ZNF674: variants seen among roughly 807,000 people sequenced by gnomAD.
The protein encoded by ZNF674 is zinc finger protein 674, also known as zinc finger family member 674.
In ZNF674, 2 loss-of-function variants were observed where a neutral mutation model predicts 7.0. That is an observed-to-expected ratio of 0.29 (90% CI 0.12 to 0.90). The LOEUF (loss-of-function observed/expected upper bound fraction) is 0.90. Ranked by LOEUF, ZNF674 falls within the 40% of genes least tolerant of loss-of-function variation. The pLI, the probability that ZNF674 is intolerant of heterozygous loss-of-function variation, is 0.57. For missense variants in ZNF674, 297 were observed against 415.5 expected, an observed-to-expected ratio of 0.71 and a Z score of 2.48; for synonymous variants, 103 against 145.2, an observed-to-expected ratio of 0.71 and a Z score of 2.09.
chrX:46,522,828 TTC>T (rs960430602), intron 5 of ZNF674: 2 of 112,683 alleles, frequency 1.8e-5, no homozygotes, highest in Non-Finnish European at 3.7e-5. Context: ...ATATGGATGA[TTC>T]TGTTTTTACA....
At chrX:46,516,793 T>G (rs752000482) in intron 5 of ZNF674, among the ~76,000 whole-genome samples, 14 of 111,931 alleles carry the variant, frequency 1.3e-4, no homozygotes, top group Non-Finnish European at 2.1e-4. Flanking sequence ...GGTCAGGAGT[T>G]CAGGACCAAC....
chrX:46,531,606 C>T (rs1356098219), intron 3 of ZNF674, among the ~76,000 whole-genome samples: 1 of 111,248 alleles, frequency 9.0e-6, no homozygotes, highest in African/African-American at 3.3e-5. Context: ...AGTGTTGTGT[C>T]AAGTGAGAGT....
chrX:46,497,884 T>G lies in ZNF674; in HGVS notation c.*1959A>C, dbSNP rs1016391345. On this transcript the variant is annotated 3_prime_UTR_variant, in exon 6 of 6. Transcript: ENST00000683375. ...TCCACACTACACAGATATACCTAAC[T>G]TTTTGTTCCATGTGTTTATCTATAC... The G allele has an allele frequency of 9.7e-6, 1 of 102,818 alleles. No individual in the cohort carries two copies. Among genetic ancestry groups the G allele is most frequent in the African/African-American group, 3.3e-5 (1 of 29,938 alleles). The allele number at this position is 102,818 out of a possible 1,213,427, so 8.5% of individuals were successfully genotyped here.
rs1941525645 is a variant in ZNF674, at chrX:46,505,787, C to A, written c.239-4452G>T. Among the ~76,000 whole-genome samples, 6 of 108,521 alleles carry A rather than the reference C, an allele frequency of 5.5e-5. No homozygotes were observed. The South Asian group carries it at 2.3e-3, about 42-fold the overall frequency. The allele number at this position is 108,521 out of a possible 115,157, so 94.2% of individuals were successfully genotyped here. A position where few individuals can be genotyped will look rare whatever the true frequency, so the allele number is the denominator to read the frequency against. ...ACTCTGTCACACACACACACACACA[C>A]ACACACACGAAAAAAAAAACTAGTA... On this transcript the variant is annotated intron_variant, in intron 5 of 5. Coordinates refer to ENST00000683375, the MANE Select transcript of ZNF674 (RefSeq NM_001190417.2).
At chrX:46,537,692 C>T (rs1452319713) in intron 3 of ZNF674, among the ~76,000 whole-genome samples, 2 of 112,212 alleles carry the variant, frequency 1.8e-5, no homozygotes, top group African/African-American at 3.2e-5. Context: ...TTTCTCTCAG[C>T]TTCAAATATG....
At chrX:46,530,255 C>T (rs2355874) in intron 3 of ZNF674, among the ~76,000 whole-genome samples, 152 of 111,973 alleles carry the variant, frequency 1.4e-3, no homozygotes, top group Non-Finnish European at 2.3e-3. Flanking sequence ...TGCCAGAGGG[C>T]GGGGACAGGC....
At chrX:46,524,227 G>A (rs1287301071) in intron 5 of ZNF674, among the ~76,000 whole-genome samples, 5 of 111,508 alleles carry the variant, frequency 4.5e-5, no homozygotes, top group East Asian at 2.8e-4. Flanking sequence ...TAACCCTGAC[G>A]TCAAAACCAG....
intron 5 of ZNF674, among the ~76,000 whole-genome samples, chrX:46,502,074 G>A (rs1311387807): frequency 1.8e-5 from 2 of 110,533 alleles, no homozygotes; most frequent in East Asian, 2.8e-4. Flanking sequence ...TTGGGAGGCC[G>A]AGGTGGGTGG....
intron 5 of ZNF674, chrX:46,527,698 T>C (rs1020298249): frequency 5.4e-5 from 6 of 111,397 alleles, no homozygotes; most frequent in African/African-American, 1.6e-4. Flanking sequence ...ACAGGTGGCA[T>C]CAAGTCAGAT....
chrX:46,528,303 C>T (rs1417405468), intron 5 of ZNF674, 47 bp downstream of exon 5: 1 of 1,186,048 alleles, frequency 8.4e-7, no homozygotes, highest in Admixed American at 2.2e-5. Context: ...TCTCACCAAC[C>T]AACCTGGTCC....
chrX:46,540,166 C>A (rs1419057678), intron 3 of ZNF674, among the ~76,000 whole-genome samples: 1 of 110,496 alleles, frequency 9.1e-6, no homozygotes, highest in Non-Finnish European at 1.9e-5. Flanking sequence ...ATGGCGGGAA[C>A]CCAGGAGGCG....
intron 5 of ZNF674, among the ~76,000 whole-genome samples, chrX:46,516,321 G>T (rs1941765400): frequency 8.9e-6 from 1 of 112,025 alleles, no homozygotes; most frequent in Admixed American, 9.5e-5. Context: ...TCATACATCA[G>T]TGGGTTCCCC....
chrX:46,507,443 T>A (rs2146592153), intron 5 of ZNF674, among the ~76,000 whole-genome samples: 1 of 111,904 alleles, frequency 8.9e-6, no homozygotes, highest in African/African-American at 3.2e-5. Flanking sequence ...TGGCTGTGTA[T>A]AGTATTTATA....
intron 3 of ZNF674, among the ~76,000 whole-genome samples, chrX:46,540,259 A>G (rs986785657): frequency 9.0e-6 from 1 of 111,100 alleles, no homozygotes. Context: ...AAAAAAAAGA[A>G]AGATTCATAC....
At chrX:46,518,026 C>T (rs1941801585) in intron 5 of ZNF674, among the ~76,000 whole-genome samples, 2 of 109,436 alleles carry the variant, frequency 1.8e-5, no homozygotes, top group African/African-American at 6.6e-5. Context: ...AAAAAGAAGA[C>T]GAAATGTAAA....
intron 5 of ZNF674, among the ~76,000 whole-genome samples, chrX:46,510,362 A>G (rs1393773302): frequency 8.9e-6 from 1 of 112,187 alleles, no homozygotes; most frequent in Non-Finnish European, 1.9e-5. Context: ...CAGGAACACA[A>G]GAACACTTCA....
intron 5 of ZNF674, among the ~76,000 whole-genome samples, chrX:46,519,208 G>C (rs1396753999): frequency 1.3e-4 from 10 of 78,700 alleles, no homozygotes; most frequent in Admixed American, 7.8e-4. Context: ...ATCTCAGATA[G>C]ATTAGATAGA....
intron 3 of ZNF674, chrX:46,529,164 C>T (rs973136858): frequency 3.4e-5 from 15 of 442,153 alleles, no homozygotes; most frequent in Non-Finnish European, 5.3e-5. Context: ...CCCGCATCCA[C>T]GCTGGCCTTT....
At position 46,500,544 on chromosome X, in the gene ZNF674, GAT is replaced by G. The variant is rs1453839738; in HGVS notation, c.1028_1029del (p.Tyr343SerfsTer7). ...GIKCTTSSLIYQRIHTSEKPQ... is the reference protein window; with the variant it reads ...GIKCTTSSLIXQRIHTSEKPQ... The stretch of plus-strand genomic sequence containing the variant: ...GGTTTCTCACTTGTGTGAATTCTTT[GAT>G]ATATAAGGCTGGACGTAGTACATTT... On this transcript the variant is annotated frameshift_variant, in exon 6 of 6. Coordinates refer to ENST00000683375, the MANE Select transcript of ZNF674 (RefSeq NM_001190417.2). LOFTEE classifies it low-confidence loss of function (END_TRUNC). 1.7e-6 allele frequency: 2 copies of G among 1,211,082 alleles called. No homozygotes were observed. Among genetic ancestry groups the G allele is most frequent in the Admixed American group, 2.2e-5 (1 of 46,081 alleles).
Sources: allele counts gnomAD v4.1 joint callset (sites outside exome capture counted in the v4.1 genomes callset), GRCh38; gene constraint gnomAD v4.1.1; transcripts MANE v1.5; gene names NCBI Gene and HGNC (gene_info 2026-07-23, HGNC 2026-07-21).